The following PSME4 variants were observed in gnomAD, a reference collection of about 807,000 sequenced individuals.
PSME4 encodes the protein proteasome activator subunit 4.
Under a neutral mutation model 253.9 loss-of-function variants are expected in PSME4, and 89 were observed. The ratio of observed to expected loss-of-function variants is 0.35; its 90% confidence interval spans 0.30 to 0.42. The LOEUF (loss-of-function observed/expected upper bound fraction) is 0.42, where lower values mean the gene tolerates loss of function less well. PSME4 is among the 10% of genes least tolerant of loss of function. PSME4 has a pLI of 1.00. For synonymous variants in PSME4, 851 were observed against 759.2 expected, an observed-to-expected ratio of 1.12 and a Z score of -1.99; for missense variants, 2,014 against 2,195.2, an observed-to-expected ratio of 0.92 and a Z score of 1.65.
rs746356371 is a variant in PSME4, at chr2:53,887,288, C to A, written c.4700G>T (p.Arg1567Leu). The stretch of plus-strand genomic sequence containing the variant: ...TTTCAAGAGTTTAATGCCCTGAGTT[C>A]GCTCATCTTCTTCACCAATTCCATT... ...EENGIGEEDERTQGIKLLKTI... is the reference protein window; with the variant it reads ...EENGIGEEDELTQGIKLLKTI... The change falls in exon 40 of 47, where the codon CGA becomes CTA. Residue 1567 changes from arginine to leucine, a missense_variant. Transcript: ENST00000404125. The A allele has an allele frequency of 1.1e-5, 17 of 1,613,744 alleles. No individual in the cohort carries two copies. The highest frequency in any genetic ancestry group is 2.5e-6 in the Non-Finnish European group (3 of 1,179,810).
chr2:53,869,538 C>T lies in PSME4; in HGVS notation c.5101G>A (p.Val1701Ile). Reference sequence around the variant, plus strand: ...AAGGTAGTAGCAGCCATTTCTCGAACCTGTAGATATAATAATTTCTATTAG... The same window carrying T: ...AAGGTAGTAGCAGCCATTTCTCGAATCTGTAGATATAATAATTTCTATTAG... The part of the protein sequence containing the change: ...ISLLEDEQLE[V>I]REMAATTLSG... The change falls in exon 44 of 47, where the codon GTT (valine) becomes ATT (isoleucine). Residue 1701 changes from valine (V) to isoleucine (I), a missense_variant and splice_region_variant. Transcript: ENST00000404125. 1 of 1,499,272 alleles carries T rather than the reference C, an allele frequency of 6.7e-7. No homozygotes were observed. Among genetic ancestry groups the T allele is most frequent in the Non-Finnish European group, 9.0e-7 (1 of 1,105,180 alleles). The allele number at this position is 1,499,272 out of a possible 1,614,324, so 92.9% of individuals were successfully genotyped here. A position where few individuals can be genotyped will look rare whatever the true frequency, so the allele number is the denominator to read the frequency against.
At chr2:53,929,029 G>T (rs1253767630) in intron 10 of PSME4, among the ~76,000 whole-genome samples, 3 of 152,046 alleles carry the variant, frequency 2.0e-5, no homozygotes, top group Non-Finnish European at 4.4e-5. Context: ...GGCGGGGTGT[G>T]GTGGTGCATG....
chr2:53,889,178 T>G (rs1679777765), intron 37 of PSME4, among the ~76,000 whole-genome samples: 1 of 152,194 alleles, frequency 6.6e-6, no homozygotes, highest in African/African-American at 2.4e-5. Context: ...TTCAATTATT[T>G]TAGAAATACT....
At chr2:53,887,594 C>T in intron 39 of PSME4, 127 bp from the exon 40 acceptor site, 1 of 947,264 alleles carries the variant, frequency 1.1e-6, no homozygotes, top group Non-Finnish European at 1.6e-6. Context: ...TTAGATTATG[C>T]CTGTGTGTAA....
At chr2:53,925,379 C>T (rs1444760591) in intron 14 of PSME4, among the ~76,000 whole-genome samples, 160 bp downstream of exon 14, 3 of 152,088 alleles carry the variant, frequency 2.0e-5, no homozygotes, top group East Asian at 1.9e-4. Context: ...TTTGCAAATA[C>T]GAAATTTGCA....
chr2:53,891,238 C>A (rs1343256235), intron 36 of PSME4, among the ~76,000 whole-genome samples: 1 of 152,006 alleles, frequency 6.6e-6, no homozygotes, highest in East Asian at 1.9e-4. Context: ...ATAAATAGCC[C>A]ATAAAAACAT....
chr2:53,927,731 AAGGCCAG>A, intron 11 of PSME4, among the ~76,000 whole-genome samples: 1 of 152,094 alleles, frequency 6.6e-6, no homozygotes, highest in South Asian at 2.1e-4. Flanking sequence ...TGGATCACTT[AAGGCCAG>A]GAGTTCGAGA....
chr2:53,934,955 G>C (rs1669035240), intron 7 of PSME4, among the ~76,000 whole-genome samples: 1 of 152,150 alleles, frequency 6.6e-6, no homozygotes, highest in African/African-American at 2.4e-5. Flanking sequence ...TGGACATAAA[G>C]CAGTTGTGTC....
At chr2:53,936,259 T>C (rs1573328834) in intron 6 of PSME4, 98 bp from the exon 7 acceptor site, 1 of 1,519,230 alleles carries the variant, frequency 6.6e-7, no homozygotes, top group Non-Finnish European at 8.8e-7. Flanking sequence ...TGGCAATCAT[T>C]AGTGCAATCT....
At position 53,887,902 on chromosome 2, in the gene PSME4, G is replaced by A. The variant is rs1679714587; in HGVS notation, c.4476C>T (p.Pro1492=). Residue 1492 remains proline, a synonymous_variant, in exon 39 of 47, where the codon CCC becomes CCT. Transcript: ENST00000404125. ...CATTTTTGTAAACCTGGGTGAGTTT[G>A]GGTTCCAAGTACTTCAGTAGTCTGT... The part of the protein sequence containing the change: ...LLHRLLKYLE[P]KLTQVYKNVR... 1 of 1,604,998 alleles carries A rather than the reference G, an allele frequency of 6.2e-7. No homozygotes were observed. Among genetic ancestry groups the A allele is most frequent in the Admixed American group, 1.7e-5 (1 of 59,964 alleles).
chr2:53,904,179 A>G, intron 26 of PSME4, 23 bp from the exon 27 acceptor site: 1 of 1,593,776 alleles, frequency 6.3e-7, no homozygotes, highest in East Asian at 2.2e-5. Flanking sequence ...TTATTAACAA[A>G]GGACTTTTAT....
chr2:53,896,684 A>T (rs1198631266), intron 32 of PSME4, 120 bp downstream of exon 32: 1 of 712,008 alleles, frequency 1.4e-6, no homozygotes, highest in African/African-American at 1.8e-5. Context: ...AATATTATTT[A>T]TATTTTGTGT....
At chr2:53,935,722 T>C (rs1002860941) in intron 7 of PSME4, among the ~76,000 whole-genome samples, 4 of 152,174 alleles carry the variant, frequency 2.6e-5, no homozygotes, top group African/African-American at 9.7e-5. Flanking sequence ...GATACCTTAA[T>C]ATGGTCTAAT....
At position 53,970,742 on chromosome 2, in the gene PSME4, G is replaced by C. The variant is rs1195021771; in HGVS notation, c.43C>G (p.Pro15Ala). 3.2e-6 allele frequency: 5 copies of C among 1,545,468 alleles called. No homozygotes were observed. The highest frequency in any genetic ancestry group is 4.4e-6 in the Non-Finnish European group (5 of 1,145,356). ...GGGCCCGGCTCGGGACGCCCGCCCGGCTCCGGGGGCTCTCCGACTCCCGCC... is the reference window on the plus strand; with the variant it reads ...GGGCCCGGCTCGGGACGCCCGCCCGCCTCCGGGGGCTCTCCGACTCCCGCC... ...ERAGVGEPPE[P>A]GGRPEPGPRG... The change falls in exon 1 of 47, where the codon CCG becomes GCG. Residue 15 changes from proline to alanine, a missense_variant. This residue lies in a region of PSME4 where 615 missense variants were observed against 594.4 expected (regional missense o/e 1.03). Coordinates refer to ENST00000404125, the MANE Select transcript of PSME4 (RefSeq NM_014614.3).
At position 53,933,559 on chromosome 2, in the gene PSME4, G is replaced by A. The variant is rs138479083; in HGVS notation, c.958-799C>T. Among the ~76,000 whole-genome samples the A allele has an allele frequency of 3.3e-5, 5 of 152,080 alleles. No homozygotes were observed. The East Asian group carries it at 9.7e-4, about 30-fold the overall frequency. On this transcript the variant is annotated intron_variant, in intron 8 of 46. Transcript: ENST00000404125. ...CATGCCCGTGCTTACTTTTACTTTTGTTTTCTTGTACAGGGTCTCGCCATG... is the reference window on the plus strand; with the variant it reads ...CATGCCCGTGCTTACTTTTACTTTTATTTTCTTGTACAGGGTCTCGCCATG...
intron 3 of PSME4, among the ~76,000 whole-genome samples, chr2:53,940,626 A>C (rs946439250): frequency 6.6e-6 from 1 of 151,900 alleles, no homozygotes; most frequent in African/African-American, 2.4e-5. Context: ...TTTATAATCC[A>C]CATTTCTTTT....
chr2:53,925,964 C>T lies in PSME4; in HGVS notation c.1653G>A (p.Met551Ile), dbSNP rs1365375021. 1 of 1,612,688 alleles carries T rather than the reference C, an allele frequency of 6.2e-7. No homozygotes were observed. The highest frequency in any genetic ancestry group is 1.1e-5 in the South Asian group (1 of 91,056). Residue 551 changes from methionine (M) to isoleucine (I), a missense_variant, in exon 13 of 47, where the codon ATG (methionine) becomes ATA (isoleucine). Coordinates refer to ENST00000404125, the MANE Select transcript of PSME4 (RefSeq NM_014614.3). ...GGTGTGGGTTACAAGCTCACCTGTC[C>T]ATAAACTGTAAGACGAAATCCTCAA... ...AEFEDFVLQFMDRCFGLIESS... is the reference protein window; with the variant it reads ...AEFEDFVLQFIDRCFGLIESS...
At chr2:53,965,322 C>T (rs1438632021) in intron 1 of PSME4, among the ~76,000 whole-genome samples, 28 of 151,252 alleles carry the variant, frequency 1.9e-4, no homozygotes, top group Non-Finnish European at 1.2e-4. Context: ...CATCTCGGCT[C>T]ACTGTAGCCT....
intron 44 of PSME4, among the ~76,000 whole-genome samples, chr2:53,867,549 G>A (rs1213400897): frequency 6.7e-6 from 1 of 150,094 alleles, no homozygotes; most frequent in Non-Finnish European, 1.5e-5. Flanking sequence ...CATGCCTGTG[G>A]TTCCAGCTAG....
Sources: allele counts gnomAD v4.1 joint callset (sites outside exome capture counted in the v4.1 genomes callset), GRCh38; gene constraint gnomAD v4.1.1; regional missense constraint gnomAD v4.1.1; transcripts MANE v1.5; gene names NCBI Gene and HGNC (gene_info 2026-07-23, HGNC 2026-07-21).